CNTN1: variants seen among roughly 807,000 people sequenced by gnomAD.
CNTN1 encodes contactin-1.
Under a neutral mutation model 126.4 loss-of-function variants are expected in CNTN1, and 38 were observed. The ratio of observed to expected loss-of-function variants is 0.30; its 90% CI spans 0.23 to 0.39. The LOEUF (loss-of-function observed/expected upper bound fraction) is 0.39. Among genes scored for constraint, CNTN1 ranks in the 10% least tolerant of loss-of-function variants. The probability of loss-of-function intolerance (pLI) is 1.00; values close to 1 mark genes in which losing one functional copy is unlikely to be tolerated. For missense variants in CNTN1, 1,009 were observed against 1,248.4 expected, an observed-to-expected ratio of 0.81 and a Z score of 2.89; for synonymous variants, 413 against 422.6, an observed-to-expected ratio of 0.98 and a Z score of 0.28.
At chr12:40,859,406 A>G (rs994394757) in intron 1 of CNTN1, among the ~76,000 whole-genome samples, 1 of 152,124 alleles carries the variant, frequency 6.6e-6, no homozygotes, top group Non-Finnish European at 1.5e-5. Flanking sequence ...AATAGCGGAA[A>G]CTGTGTGGGC....
rs1053549843 is a variant in CNTN1, at chr12:40,956,385, G to A, written c.1684-2729G>A. On this transcript the variant is annotated intron_variant, in intron 14 of 23. Coordinates refer to ENST00000551295, the MANE Select transcript of CNTN1 (RefSeq NM_001843.4). ...CACAAAAGTGTTTAACTGCATTTAC[G>A]ATATGTAATATGACAGAAGTTTCAT... Among the ~76,000 whole-genome samples, 6 of 152,166 alleles carry A rather than the reference G, an allele frequency of 3.9e-5. No individual in the cohort carries two copies. In the South Asian group the frequency reaches 6.2e-4, roughly 16 times the overall value.
At chr12:40,730,757 A>T (rs1942477942) in intron 1 of CNTN1, among the ~76,000 whole-genome samples, 1 of 152,140 alleles carries the variant, frequency 6.6e-6, no homozygotes, top group South Asian at 2.1e-4. Flanking sequence ...CTGAGGCCTT[A>T]TTGTTTTAAA....
chr12:40,799,594 C>T (rs889932080), intron 1 of CNTN1, among the ~76,000 whole-genome samples: 6 of 151,946 alleles, frequency 3.9e-5, no homozygotes, highest in Admixed American at 6.6e-5. Flanking sequence ...AAACAAAAGG[C>T]TTCAGAAAAT....
At chr12:41,052,337 T>G (rs986002797) in intron 23 of CNTN1, among the ~76,000 whole-genome samples, 2 of 152,182 alleles carry the variant, frequency 1.3e-5, no homozygotes, top group Non-Finnish European at 2.9e-5. Flanking sequence ...CAGAGCCAAA[T>G]CTGCTACATG....
intron 16 of CNTN1, among the ~76,000 whole-genome samples, chr12:40,990,388 G>T (rs557106928): frequency 6.6e-6 from 1 of 151,928 alleles, no homozygotes; most frequent in East Asian, 1.9e-4. Flanking sequence ...AGTTTTATGC[G>T]TCTTTGGACC....
chr12:40,828,339 A>G (rs1941687684), intron 1 of CNTN1: 1 of 152,170 alleles, frequency 6.6e-6, no homozygotes, highest in Non-Finnish European at 1.5e-5. Context: ...AGGTAATTGT[A>G]AACTAGAATA....
intron 15 of CNTN1, among the ~76,000 whole-genome samples, chr12:40,965,299 A>G (rs1366691900): frequency 6.6e-6 from 1 of 152,136 alleles, no homozygotes; most frequent in African/African-American, 2.4e-5. Context: ...TTCCATCTAC[A>G]TGGTGGCAAA....
chr12:40,873,021 A>C (rs1454660098), intron 1 of CNTN1, among the ~76,000 whole-genome samples: 1 of 151,954 alleles, frequency 6.6e-6, no homozygotes, highest in East Asian at 1.9e-4. Flanking sequence ...CAGGACTTAA[A>C]CCCCAGTCAG....
intron 20 of CNTN1, 55 bp downstream of exon 20, chr12:41,020,495 C>A: frequency 2.6e-6 from 3 of 1,136,724 alleles, no homozygotes; most frequent in Non-Finnish European, 2.6e-6. Context: ...TATAAGCATA[C>A]GTTTTCAAAT....
intron 1 of CNTN1, among the ~76,000 whole-genome samples, chr12:40,878,715 C>T (rs1473221800): frequency 6.6e-6 from 1 of 152,004 alleles, no homozygotes; most frequent in Non-Finnish European, 1.5e-5. Context: ...CAATAGCTAT[C>T]GCCATGATTC....
At chr12:40,738,673 G>A (rs1336080867) in intron 1 of CNTN1, among the ~76,000 whole-genome samples, 1 of 151,978 alleles carries the variant, frequency 6.6e-6, no homozygotes, top group Non-Finnish European at 1.5e-5. Flanking sequence ...GTCAAATATT[G>A]TGAACAGGCA....
At chr12:40,695,240 G>A (rs1022603400) in intron 1 of CNTN1, among the ~76,000 whole-genome samples, 1 of 152,218 alleles carries the variant, frequency 6.6e-6, no homozygotes, top group Non-Finnish European at 1.5e-5. Context: ...TAAGAAGCTG[G>A]ATGGGTGCAG....
intron 23 of CNTN1, among the ~76,000 whole-genome samples, chr12:41,048,988 A>T (rs1949611757): frequency 6.6e-6 from 1 of 152,150 alleles, no homozygotes. Flanking sequence ...CGAGGTTGCT[A>T]ATGACCTCCA....
At chr12:40,919,054 C>T (rs142296184) in intron 4 of CNTN1, among the ~76,000 whole-genome samples, 1 of 151,804 alleles carries the variant, frequency 6.6e-6, no homozygotes, top group East Asian at 1.9e-4. Context: ...GTTTTTAGGC[C>T]CATGAATGGT....
At chr12:40,794,720 C>T (rs759307563) in intron 1 of CNTN1, among the ~76,000 whole-genome samples, 16 of 151,860 alleles carry the variant, frequency 1.1e-4, no homozygotes, top group South Asian at 2.1e-4. Flanking sequence ...AAAAAAGAGA[C>T]GGGAAAGCTT....
intron 1 of CNTN1, among the ~76,000 whole-genome samples, chr12:40,736,983 A>G (rs1320383421): frequency 6.6e-6 from 1 of 152,036 alleles, no homozygotes; most frequent in Admixed American, 6.6e-5. Flanking sequence ...TTTAAATCCT[A>G]CACGAAATCA....
Position 41,061,836 on chromosome 12 carries a change from A to G in CNTN1, c.2981-8123A>G, listed in dbSNP as rs1228880878. ...CATCAGAACCATGTCTTGAGCCCAA[A>G]TATTCTCTGTTGCTAAAGTTATATA... On this transcript the variant is annotated intron_variant, in intron 23 of 23. Coordinates refer to ENST00000551295, the MANE Select transcript of CNTN1 (RefSeq NM_001843.4). 19 of 455,598 alleles carry G rather than the reference A, an allele frequency of 4.2e-5. No individual in the cohort carries two copies. The Admixed American group carries it at 4.5e-4, about 11-fold the overall frequency. The allele number at this position is 455,598 out of a possible 1,614,324, so 28.2% of individuals were successfully genotyped here.
chr12:40,693,850 C>A (rs1054315956), intron 1 of CNTN1, among the ~76,000 whole-genome samples: 2 of 152,166 alleles, frequency 1.3e-5, no homozygotes, highest in African/African-American at 4.8e-5. Flanking sequence ...ACTGCTGAAA[C>A]CCTGCGTGAA....
chr12:40,756,651 G>A (rs1242292414), intron 1 of CNTN1, among the ~76,000 whole-genome samples: 1 of 152,098 alleles, frequency 6.6e-6, no homozygotes, highest in Non-Finnish European at 1.5e-5. Flanking sequence ...CCCGAGCCTA[G>A]AATGCTTTCC....
Sources: allele counts gnomAD v4.1 joint callset (sites outside exome capture counted in the v4.1 genomes callset), GRCh38; gene constraint gnomAD v4.1.1; transcripts MANE v1.5; gene names NCBI Gene and HGNC (gene_info 2026-07-23, HGNC 2026-07-21).